MBTPS1: variants seen among roughly 807,000 people sequenced by gnomAD.
MBTPS1 encodes membrane-bound transcription factor site-1 protease.
In MBTPS1, 94 loss-of-function variants were observed where a neutral mutation model predicts 127.8. That is an observed-to-expected ratio of 0.74 (90% CI 0.62 to 0.87). The LOEUF (loss-of-function observed/expected upper bound fraction) is 0.87. Ranked by LOEUF, MBTPS1 falls within the 40% of genes least tolerant of loss-of-function variation. The pLI is 0.00. For missense variants in MBTPS1, 1,636 were observed against 1,353.2 expected (o/e 1.21, Z -3.28); for synonymous variants, 632 against 509.4 (o/e 1.24, Z -3.24).
At chr16:84,089,245 G>A (rs986517587) in intron 8 of MBTPS1, among the ~76,000 whole-genome samples, 8 of 152,248 alleles carry the variant, frequency 5.3e-5, no homozygotes, top group Non-Finnish European at 1.0e-4. Flanking sequence ...GGCCAACTAC[G>A]GCCCATGGGC....
chr16:84,059,605 C>T (rs1245047228), intron 20 of MBTPS1, 177 bp from the exon 21 acceptor site: 11 of 525,564 alleles, frequency 2.1e-5, no homozygotes, highest in South Asian at 7.0e-5. Context: ...TGGTTCCTCC[C>T]GGACAATGTG....
In MBTPS1 at chr16:84,069,868, G is replaced by A; in HGVS notation, c.1953C>T (p.Asp651=). The A allele has an allele frequency of 6.2e-7, 1 of 1,613,670 alleles. No individual in the cohort carries two copies. Among genetic ancestry groups the A allele is most frequent in the South Asian group, 1.1e-5 (1 of 90,992 alleles). Residue 651 remains aspartate (D), a splice_region_variant and synonymous_variant, in exon 14 of 23, where the codon GAC becomes GAT. Coordinates refer to ENST00000343411, the MANE Select transcript of MBTPS1 (RefSeq NM_003791.4). ...AGTGCATCCTGTGAGGTGCTTACCAGTCTAAAGGGTCATTCTTCATCCTTA... is the reference window on the plus strand; with the variant it reads ...AGTGCATCCTGTGAGGTGCTTACCAATCTAAAGGGTCATTCTTCATCCTTA... ...DNLRMKNDPL[D]WNGDHIHTNF...
rs754536730 is a variant in MBTPS1 at position 84,070,642 on chromosome 16, T to G, written c.1728A>C (p.Glu576Asp). The change falls in exon 13 of 23, where the codon GAA (glutamate) becomes GAC (aspartate). Residue 576 changes from glutamate to aspartate, a missense_variant. Coordinates refer to ENST00000343411, the MANE Select transcript of MBTPS1 (RefSeq NM_003791.4). The stretch of plus-strand genomic sequence containing the variant: ...TCATGACATGGCCCTGAGCAATGCC[T>G]TCCCAGGAAGCCGCTTTCTTGGTCA... Reference protein sequence around the residue: ...ISVTKKAASWEGIAQGHVMIT... With the variant: ...ISVTKKAASWDGIAQGHVMIT... The G allele has an allele frequency of 2.5e-5, 40 of 1,613,532 alleles. No homozygotes were observed. The highest frequency in any genetic ancestry group is 3.4e-5 in the Non-Finnish European group (40 of 1,179,934).
chr16:84,068,900 T>C (rs1390670345), intron 14 of MBTPS1, among the ~76,000 whole-genome samples: 1 of 152,196 alleles, frequency 6.6e-6, no homozygotes, highest in Non-Finnish European at 1.5e-5. Context: ...ACTGGTCAAC[T>C]TTCCATCCCC....
At chr16:84,084,939 T>C (rs753499595) in intron 10 of MBTPS1, 44 bp downstream of exon 10, 2 of 1,595,450 alleles carry the variant, frequency 1.3e-6, no homozygotes, top group South Asian at 1.1e-5. Context: ...CGAGTGCTCC[T>C]GTCCTGACGT....
rs555285097 is a variant in MBTPS1 at position 84,100,558 on chromosome 16, G to C, written c.163+1063C>G. Among the ~76,000 whole-genome samples the C allele has an allele frequency of 6.0e-4, 91 of 151,584 alleles. 2 individuals carry two copies. Among genetic ancestry groups the C allele is most frequent in the African/African-American group, 1.7e-3 (69 of 41,232 alleles). ...AATCTCCATCTCAAAAAAGAAAAAA[G>C]AAAAAACAAAAATAAAAAAATTAGC... On this transcript the variant is annotated intron_variant, in intron 2 of 22. Transcript: ENST00000343411.
intron 10 of MBTPS1, 150 bp from the exon 11 acceptor site, chr16:84,082,058 A>G (rs1328416714): frequency 2.1e-6 from 1 of 472,186 alleles, no homozygotes; most frequent in Admixed American, 4.4e-5. Flanking sequence ...TGCATGAGAG[A>G]ATGAGTGCAC....
chr16:84,064,504 C>A (rs1017912760), intron 18 of MBTPS1, among the ~76,000 whole-genome samples: 1 of 152,100 alleles, frequency 6.6e-6, no homozygotes, highest in African/African-American at 2.4e-5. Flanking sequence ...TAAAATGCCC[C>A]TTTAAAAAAT....
intron 19 of MBTPS1, among the ~76,000 whole-genome samples, chr16:84,062,553 A>C (rs926895428): frequency 6.6e-6 from 1 of 152,078 alleles, no homozygotes; most frequent in Non-Finnish European, 1.5e-5. Context: ...CATTCTTGTC[A>C]CTCACCACCC....
chr16:84,054,505 C>T lies in MBTPS1; in HGVS notation c.3103G>A (p.Val1035Met), dbSNP rs1462881557. Residue 1035 changes from valine to methionine, a missense_variant, in exon 23 of 23, where the codon GTG (valine) becomes ATG (methionine). By Grantham distance (21) the Val-to-Met change is conservative. Transcript: ENST00000343411. ...KSRPKRRKPR[V>M]KRPQLMQQVH... The stretch of plus-strand genomic sequence containing the variant: ...TGCTGCATGAGCTGCGGGCGCTTCA[C>T]CCTGGGCTTCCTCCGCTTCGGCCTG... 6.2e-7 allele frequency: 1 copy of T among 1,613,722 alleles called. No homozygotes were observed.
intron 21 of MBTPS1, chr16:84,057,013 G>A (rs1476251496): frequency 3.9e-5 from 6 of 152,158 alleles, no homozygotes; most frequent in Non-Finnish European, 8.8e-5. Flanking sequence ...TATTCATTTG[G>A]AAACTGTCAG....
At chr16:84,058,277 A>G (rs1179030995) in intron 21 of MBTPS1, among the ~76,000 whole-genome samples, 1 of 152,240 alleles carries the variant, frequency 6.6e-6, no homozygotes, top group African/African-American at 2.4e-5. Flanking sequence ...GGCGGAAGGC[A>G]GCCTCGCCAC....
intron 8 of MBTPS1, 23 bp from the exon 9 acceptor site, chr16:84,087,483 AAAAAAG>A (rs2086046696): frequency 4.2e-6 from 6 of 1,423,634 alleles, no homozygotes; most frequent in Non-Finnish European, 5.8e-6. Context: ...CAAAAAAAAA[AAAAAAG>A]AAAAGAAAAA....
At chr16:84,073,691 G>GT (rs1039143199) in intron 12 of MBTPS1, among the ~76,000 whole-genome samples, 4 of 151,790 alleles carry the variant, frequency 2.6e-5, no homozygotes, top group Non-Finnish European at 5.9e-5. Flanking sequence ...AAAAAAGACC[G>GT]TATCTTCCAA....
At chr16:84,105,590 G>C (rs1157415239) in intron 1 of MBTPS1, among the ~76,000 whole-genome samples, 1 of 152,158 alleles carries the variant, frequency 6.6e-6, no homozygotes, top group African/African-American at 2.4e-5. Flanking sequence ...GGAACCACAG[G>C]AAGACACAGA....
intron 21 of MBTPS1, chr16:84,056,976 T>C (rs1433174487): frequency 6.6e-6 from 1 of 152,244 alleles, no homozygotes; most frequent in Non-Finnish European, 1.5e-5. Flanking sequence ...AGTTTGCAAA[T>C]TAAAATTTCT....
rs761990325 is a variant in MBTPS1, at chr16:84,070,738, G to T, written c.1632C>A (p.Asn544Lys). The change falls in exon 13 of 23, where the codon AAC (asparagine) becomes AAA (lysine). Residue 544 changes from asparagine (N) to lysine (K), a missense_variant. Asn to Lys is a moderately conservative substitution (Grantham distance 94). Coordinates refer to ENST00000343411, the MANE Select transcript of MBTPS1 (RefSeq NM_003791.4). ...WQPYLPQNGD[N>K]IEVAFSYSSV... ...AGGAGTAGGAGAAGGCAACTTCAAT[G>T]TTGTCTCCGTTCTGTGGCAAATAGG... 1 of 1,613,930 alleles carries T rather than the reference G, an allele frequency of 6.2e-7. No individual in the cohort carries two copies. The highest frequency in any genetic ancestry group is 2.2e-5 in the East Asian group (1 of 44,896).
Position 84,116,724 on chromosome 16 carries a change from G to T in MBTPS1, c.-325+11C>A, listed in dbSNP as rs967463208. 1.3e-5 allele frequency: 2 copies of T among 152,056 alleles called. No individual in the cohort carries two copies. The highest frequency in any genetic ancestry group is 4.8e-5 in the African/African-American group (2 of 41,432). The allele number at this position is 152,056 out of a possible 1,614,324, so 9.4% of individuals were successfully genotyped here. A position where few individuals can be genotyped will look rare whatever the true frequency, so the allele number is the denominator to read the frequency against. ...CGGGTCGGGGAGGCCGCGCGCGGGCGGCTGACGTACCTGCGCCGCCGGGAG... is the reference window on the plus strand; with the variant it reads ...CGGGTCGGGGAGGCCGCGCGCGGGCTGCTGACGTACCTGCGCCGCCGGGAG... On this transcript the variant is annotated intron_variant, in intron 1 of 22. Coordinates refer to ENST00000343411, the MANE Select transcript of MBTPS1 (RefSeq NM_003791.4).
chr16:84,082,249 A>C (rs7185436), intron 10 of MBTPS1: 3 of 160,152 alleles, frequency 1.9e-5, no homozygotes, highest in Non-Finnish European at 4.1e-5. Context: ...CCTGCTGGTC[A>C]CAGGAAGAAG....
Sources: gnomAD v4.1 joint callset for allele counts (sites outside exome capture counted in the v4.1 genomes callset) on GRCh38, gnomAD v4.1.1 for gene constraint, MANE v1.5 for transcripts, NCBI Gene and HGNC (gene_info 2026-07-23, HGNC 2026-07-21) for gene names.